The following SSBP2 variants were observed in gnomAD, a reference collection of about 807,000 sequenced individuals.
SSBP2 encodes single-stranded DNA-binding protein 2.
A neutral mutation model predicts 61.8 loss-of-function variants in SSBP2; 17 were observed. The observed-to-expected ratio is 0.28, with a 90% CI of 0.19 to 0.41. The LOEUF is 0.41. Among genes scored for constraint, SSBP2 ranks in the 10% least tolerant of loss-of-function variants. The pLI, the probability that SSBP2 is intolerant of heterozygous loss-of-function variation, is 1.00. For missense variants in SSBP2, 310 were observed against 458.7 expected (o/e 0.68, Z 2.96); for synonymous variants, 139 against 141.3 (o/e 0.98, Z 0.12).
chr5:81,460,949 G>A (rs929575758), intron 10 of SSBP2, 106 bp downstream of exon 10: 107 of 537,440 alleles, frequency 2.0e-4, no homozygotes, highest in Non-Finnish European at 3.1e-4. Flanking sequence ...CTTAAAAAAG[G>A]GTTACTACAA....
At position 81,505,150 on chromosome 5, in the gene SSBP2, GT is replaced by G. The variant is rs35912452; in HGVS notation, c.372+8477del. 1.5e-3 allele frequency among the ~76,000 whole-genome samples: 233 copies of G among 151,510 alleles called. 1 individual carries two copies. Among genetic ancestry groups the G allele is most frequent in the African/African-American group, 5.4e-3 (225 of 41,342 alleles). On this transcript the variant is annotated intron_variant, in intron 5 of 16. Transcript: ENST00000320672. ...ACAGGCCAAATGCTGCCCATCACCT[GT>G]TTTTTTTTGTAAGTGAAGTTTTACT...
intron 2 of SSBP2, among the ~76,000 whole-genome samples, chr5:81,648,419 C>T (rs1231039492): frequency 6.6e-6 from 1 of 152,054 alleles, no homozygotes; most frequent in Non-Finnish European, 1.5e-5. Context: ...TCTAAAATTC[C>T]TTATCTGCAA....
intron 1 of SSBP2, among the ~76,000 whole-genome samples, chr5:81,687,675 T>C (rs904928362): frequency 2.0e-5 from 3 of 152,140 alleles, no homozygotes; most frequent in African/African-American, 4.8e-5. Flanking sequence ...CACAGTAGGA[T>C]AGGGCACCAG....
Position 81,419,154 on chromosome 5 carries a change from A to T in SSBP2, c.*1350T>A, listed in dbSNP as rs923794481. 2.0e-5 allele frequency: 3 copies of T among 152,182 alleles called. No homozygotes were observed. Among genetic ancestry groups the T allele is most frequent in the Non-Finnish European group, 2.9e-5 (2 of 68,030 alleles). The allele number at this position is 152,182 out of a possible 1,614,324, so 9.4% of individuals were successfully genotyped here. The stretch of plus-strand genomic sequence containing the variant: ...GTGCTTTCCATAAGGGAATTAGATT[A>T]AAAAAAATTTACTTATTCTTTTTTG... On this transcript the variant is annotated 3_prime_UTR_variant, in exon 17 of 17. Coordinates refer to ENST00000320672, the MANE Select transcript of SSBP2 (RefSeq NM_012446.5).
At chr5:81,443,351 A>G (rs1580697345) in intron 12 of SSBP2, 1 of 152,272 alleles carries the variant, frequency 6.6e-6, no homozygotes, top group Middle Eastern at 3.4e-3. Flanking sequence ...TATCCATATA[A>G]ATATATGTAA....
intron 16 of SSBP2, among the ~76,000 whole-genome samples, chr5:81,424,734 G>C (rs1561379932): frequency 6.6e-6 from 1 of 152,194 alleles, no homozygotes; most frequent in Non-Finnish European, 1.5e-5. Context: ...TTTTGCTATA[G>C]ATTACTATTC....
chr5:81,669,130 A>G (rs1158318002), intron 1 of SSBP2, among the ~76,000 whole-genome samples: 1 of 152,190 alleles, frequency 6.6e-6, no homozygotes, highest in Non-Finnish European at 1.5e-5. Context: ...AAAAGTAATG[A>G]AAGTATATAG....
At chr5:81,512,643 A>G (rs1307854309) in intron 5 of SSBP2, among the ~76,000 whole-genome samples, 3 of 152,174 alleles carry the variant, frequency 2.0e-5, no homozygotes, top group Non-Finnish European at 4.4e-5. Flanking sequence ...GCTTTAATTA[A>G]GACCTTTTAT....
At chr5:81,703,521 G>C (rs962369750) in intron 1 of SSBP2, among the ~76,000 whole-genome samples, 1 of 151,730 alleles carries the variant, frequency 6.6e-6, no homozygotes, top group Non-Finnish European at 1.5e-5. Context: ...TAACTAACCT[G>C]CACATTGTGC....
At chr5:81,619,578 G>A (rs1746355813) in intron 3 of SSBP2, among the ~76,000 whole-genome samples, 2 of 148,152 alleles carry the variant, frequency 1.3e-5, no homozygotes, top group South Asian at 4.4e-4. Context: ...AATAGAAAAA[G>A]AGGGAATCCT....
intron 8 of SSBP2, 48 bp downstream of exon 8, chr5:81,473,652 G>T: frequency 1.3e-6 from 2 of 1,514,410 alleles, no homozygotes; most frequent in Non-Finnish European, 1.8e-6. Context: ...ATGGGCATTT[G>T]GGTTGGTTCC....
intron 4 of SSBP2, among the ~76,000 whole-genome samples, chr5:81,545,686 G>A (rs971564448): frequency 2.0e-5 from 3 of 152,152 alleles, no homozygotes; most frequent in Non-Finnish European, 4.4e-5. Flanking sequence ...TTTCAGGGGC[G>A]TAGCAGGTCA....
rs2153880225 is a variant in SSBP2, at chr5:81,419,629, C to A, written c.*875G>T. 6.6e-6 allele frequency: 1 copy of A among 152,280 alleles called. No homozygotes were observed. Among genetic ancestry groups the A allele is most frequent in the East Asian group, 1.9e-4 (1 of 5,186 alleles). The allele number at this position is 152,280 out of a possible 1,614,324, so 9.4% of individuals were successfully genotyped here. Reference sequence around the variant, plus strand: ...AGAAAAGATGTTGCTAAATATATGACAACCCCGGTCACTTTATTGCTATGG... The same window carrying A: ...AGAAAAGATGTTGCTAAATATATGAAAACCCCGGTCACTTTATTGCTATGG... On this transcript the variant is annotated 3_prime_UTR_variant, in exon 17 of 17. Coordinates refer to ENST00000320672, the MANE Select transcript of SSBP2 (RefSeq NM_012446.5).
At chr5:81,511,940 C>T (rs72773022) in intron 5 of SSBP2, among the ~76,000 whole-genome samples, 10,608 of 151,936 alleles carry the variant, frequency 0.07, 379 homozygotes, top group Middle Eastern at 0.092. Context: ...GATAGGCAAA[C>T]GGAGAACAGT....
chr5:81,426,890 C>A (rs1761986179), intron 16 of SSBP2, among the ~76,000 whole-genome samples: 1 of 152,212 alleles, frequency 6.6e-6, no homozygotes, highest in African/African-American at 2.4e-5. Flanking sequence ...CCAAATTAAT[C>A]ATTTCCTCTG....
chr5:81,696,431 G>T (rs987987431), intron 1 of SSBP2, among the ~76,000 whole-genome samples: 1 of 152,058 alleles, frequency 6.6e-6, no homozygotes, highest in Non-Finnish European at 1.5e-5. Context: ...TCTCACTGCC[G>T]ATGAGCTACA....
Position 81,534,362 on chromosome 5 carries a change from G to A in SSBP2, c.283-20645C>T, listed in dbSNP as rs77407340. On this transcript the variant is annotated intron_variant, in intron 4 of 16. Coordinates refer to ENST00000320672, the MANE Select transcript of SSBP2 (RefSeq NM_012446.5). ...GCAAAAACCACAGTTTGAAAAGACAGAACAAGCACCAGAATCAGACTCAGA... is the reference window on the plus strand; with the variant it reads ...GCAAAAACCACAGTTTGAAAAGACAAAACAAGCACCAGAATCAGACTCAGA... Among the ~76,000 whole-genome samples, 1,090 of 152,194 alleles carry A rather than the reference G, an allele frequency of 7.2e-3. 22 individuals carry two copies. Among genetic ancestry groups the A allele is most frequent in the African/African-American group, 0.025 (1,035 of 41,534 alleles).
At chr5:81,554,740 A>G (rs924390177) in intron 4 of SSBP2, among the ~76,000 whole-genome samples, 1 of 152,116 alleles carries the variant, frequency 6.6e-6, no homozygotes. Flanking sequence ...GCAAGCCAGT[A>G]ATTTGTATCC....
intron 1 of SSBP2, among the ~76,000 whole-genome samples, chr5:81,728,516 C>G (rs1481805079): frequency 2.0e-5 from 3 of 152,116 alleles, no homozygotes; most frequent in Non-Finnish European, 4.4e-5. Context: ...GACTTAACAG[C>G]CATATAACCT....
Sources: allele counts gnomAD v4.1 joint callset (sites outside exome capture counted in the v4.1 genomes callset), GRCh38; gene constraint gnomAD v4.1.1; transcripts MANE v1.5; gene names NCBI Gene and HGNC (gene_info 2026-07-23, HGNC 2026-07-21).